The following SLC51B variants were observed in gnomAD, a reference collection of about 807,000 sequenced individuals.
The protein encoded by SLC51B is SLC51 subunit beta.
Under a neutral mutation model 8.0 loss-of-function variants are expected in SLC51B, and 6 were observed. The ratio of observed to expected loss-of-function variants is 0.75; its 90% CI spans 0.41 to 1.48. The LOEUF (loss-of-function observed/expected upper bound fraction) is 1.48, where lower values mean the gene tolerates loss of function less well. Ranked by LOEUF, SLC51B falls within the 40% of genes most tolerant of loss-of-function variation. The pLI, the probability that SLC51B is intolerant of heterozygous loss-of-function variation, is 0.01. For synonymous variants in SLC51B, 61 were observed against 54.8 expected, an observed-to-expected ratio of 1.11 and a Z score of -0.50; for missense variants, 150 against 149.7, an observed-to-expected ratio of 1.00 and a Z score of -0.01.
intron 2 of SLC51B, 111 bp from the exon 3 acceptor site, chr15:65,051,404 C>A: frequency 1.0e-6 from 1 of 1,000,178 alleles, no homozygotes; most frequent in Non-Finnish European, 1.6e-6. Flanking sequence ...GGTCTCCACG[C>A]AAAGGACAGT....
At chr15:65,052,680 AG>A (rs1190233732) in intron 3 of SLC51B, among the ~76,000 whole-genome samples, 1 of 152,120 alleles carries the variant, frequency 6.6e-6, no homozygotes, top group Non-Finnish European at 1.5e-5. Flanking sequence ...TACAGGTGTG[AG>A]CCACTGCACC....
rs563068319 is a variant in SLC51B, at chr15:65,052,579, T to C, written c.189-387T>C. ...ACCCAGCTAATTTTTGTATTTTTAG[T>C]AGAGATGGGGTTTTGCCATGTTGGC... On this transcript the variant is annotated intron_variant, in intron 3 of 3. Transcript: ENST00000334287. Among the ~76,000 whole-genome samples the C allele has an allele frequency of 2.0e-5, 3 of 152,164 alleles. No individual in the cohort carries two copies. In the South Asian group the frequency reaches 6.2e-4, roughly 32 times the overall value.
At position 65,050,050 on chromosome 15, in the gene SLC51B, G is replaced by T. The variant is rs775524383; in HGVS notation, c.46G>T (p.Val16Leu). The T allele has an allele frequency of 6.4e-7, 1 of 1,551,868 alleles. No homozygotes were observed. Among genetic ancestry groups the T allele is most frequent in the African/African-American group, 1.4e-5 (1 of 73,198 alleles). ...TCCCGGAGACCCAGCCGGTACTGTG[G>T]TACCCCAGGAGCTGCTGGAAGAGAT... ...GAPGDPAGTV[V>L]PQELLEEMLW... Residue 16 changes from valine (V) to leucine (L), a missense_variant, in exon 2 of 4, where the codon GTA (valine) becomes TTA (leucine). Coordinates refer to ENST00000334287, the MANE Select transcript of SLC51B (RefSeq NM_178859.4).
rs2086626923 is a variant in SLC51B, at chr15:65,049,933, G to A, written c.-72G>A. On this transcript the variant is annotated 5_prime_UTR_variant, in exon 2 of 4. Transcript: ENST00000334287. ...GCTTCTCTGCCCAGGGGCCAGAACC[G>A]AGGAGGCCAGGAGGGCTGCTGGGGC... 1 of 1,236,084 alleles carries A rather than the reference G, an allele frequency of 8.1e-7. No individual in the cohort carries two copies. The highest frequency in any genetic ancestry group is 1.4e-5 in the South Asian group (1 of 70,494). The allele number at this position is 1,236,084 out of a possible 1,614,324, so 76.6% of individuals were successfully genotyped here. A position where few individuals can be genotyped will look rare whatever the true frequency, so the allele number is the denominator to read the frequency against.
At position 65,053,085 on chromosome 15, in the gene SLC51B, T is replaced by G; in HGVS notation, c.308T>G (p.Leu103Trp). The G allele has an allele frequency of 6.2e-7, 1 of 1,614,086 alleles. No homozygotes were observed. Among genetic ancestry groups the G allele is most frequent in the Non-Finnish European group, 8.5e-7 (1 of 1,180,002 alleles). Residue 103 changes from leucine to tryptophan, a missense_variant, in exon 4 of 4, where the codon TTG becomes TGG. By Grantham distance (61) the Leu-to-Trp change is moderately conservative. Coordinates refer to ENST00000334287, the MANE Select transcript of SLC51B (RefSeq NM_178859.4). Reference protein sequence around the residue: ...RETLLSEKPNLAQVELELKER... With the variant: ...RETLLSEKPNWAQVELELKER... ...ACTTTGCTCTCAGAAAAGCCAAACT[T>G]GGCCCAGGTGGAACTTGAGTTAAAA...
rs1470356539 is a variant in SLC51B, at chr15:65,051,691, T to A, written c.188+86T>A. On this transcript the variant is annotated intron_variant, in intron 3 of 3. Transcript: ENST00000334287. Reference sequence around the variant, plus strand: ...AGAGGGAAATCTAGAGAGGGGTCACTTAGGGGTCATTGCTGTCCACCCTTT... The same window carrying A: ...AGAGGGAAATCTAGAGAGGGGTCACATAGGGGTCATTGCTGTCCACCCTTT... 3.1e-6 allele frequency: 4 copies of A among 1,296,118 alleles called. No homozygotes were observed. In the African/African-American group the frequency reaches 4.4e-5, roughly 14 times the overall value. 80.3% of individuals were successfully genotyped at this position (1,296,118 alleles called of 1,614,324 possible). A position where few individuals can be genotyped will look rare whatever the true frequency, so the allele number is the denominator to read the frequency against.
rs2086566383 is a variant in SLC51B, at chr15:65,045,547, CA to C, written c.-143del. On this transcript the variant is annotated 5_prime_UTR_variant, in exon 1 of 4. Transcript: ENST00000334287. ...CAGAAATCGGTGCTGCTCCCAACAG[CA>C]GATCAAGGCAGTCGTCAGGAACTCA... 1 of 152,280 alleles carries C rather than the reference CA, an allele frequency of 6.6e-6. No homozygotes were observed. The highest frequency in any genetic ancestry group is 2.4e-5 in the African/African-American group (1 of 41,464). The allele number at this position is 152,280 out of a possible 1,614,324, so 9.4% of individuals were successfully genotyped here.
In SLC51B at chr15:65,051,502, T is replaced by C; in HGVS notation, c.98-13T>C. 1 of 1,612,986 alleles carries C rather than the reference T, an allele frequency of 6.2e-7. No individual in the cohort carries two copies. The highest frequency in any genetic ancestry group is 8.5e-7 in the Non-Finnish European group (1 of 1,179,262). ...CCATTCCTCAGGGCTCTGTCCTGTG[T>C]GTCCTTCCCCAGCATCTCCCTGGAA... On this transcript the variant is annotated splice_polypyrimidine_tract_variant and intron_variant, in intron 2 of 3. Transcript: ENST00000334287.
chr15:65,052,951 T>A lies in SLC51B; in HGVS notation c.189-15T>A. ...ACTCAGCCCCCCTCATTAACACTGT[T>A]CCCTGTCCCCCCAGAAAAGAAAAGA... is the stretch of plus-strand genomic sequence containing the variant. On this transcript the variant is annotated splice_polypyrimidine_tract_variant and intron_variant, in intron 3 of 3. Transcript: ENST00000334287. 1 of 1,491,688 alleles carries A rather than the reference T, an allele frequency of 6.7e-7. No individual in the cohort carries two copies. Among genetic ancestry groups the A allele is most frequent in the Non-Finnish European group, 9.1e-7 (1 of 1,101,814 alleles). 92.4% of individuals were successfully genotyped at this position (1,491,688 alleles called of 1,614,324 possible).
chr15:65,047,244 G>A (rs2086587745), intron 1 of SLC51B, among the ~76,000 whole-genome samples: 1 of 151,572 alleles, frequency 6.6e-6, no homozygotes, highest in Non-Finnish European at 1.5e-5. Context: ...GCTGAGGCAA[G>A]AGAATTTCTT....
chr15:65,050,198 C>A, intron 2 of SLC51B, 97 bp downstream of exon 2: 1 of 936,438 alleles, frequency 1.1e-6, no homozygotes, highest in Non-Finnish European at 1.6e-6. Flanking sequence ...CCCTCCAGGT[C>A]AGGCGGTACA....
chr15:65,045,422 T>C lies in SLC51B; in HGVS notation c.-269T>C, dbSNP rs538217417. 2 of 152,250 alleles carry C rather than the reference T, an allele frequency of 1.3e-5. No individual in the cohort carries two copies. Among genetic ancestry groups the C allele is most frequent in the Non-Finnish European group, 2.9e-5 (2 of 68,082 alleles). The allele number at this position is 152,250 out of a possible 1,614,324, so 9.4% of individuals were successfully genotyped here. A position where few individuals can be genotyped will look rare whatever the true frequency, so the allele number is the denominator to read the frequency against. Reference sequence around the variant, plus strand: ...CCAGATGGGTCCAGCTGCCGCAGGCTCTCCAGGCACTGTCCCCTAAGTGAC... The same window carrying C: ...CCAGATGGGTCCAGCTGCCGCAGGCCCTCCAGGCACTGTCCCCTAAGTGAC... On this transcript the variant is annotated 5_prime_UTR_variant, in exon 1 of 4. Transcript: ENST00000334287.
chr15:65,046,995 T>C (rs2086584944), intron 1 of SLC51B, among the ~76,000 whole-genome samples: 1 of 152,196 alleles, frequency 6.6e-6, no homozygotes, highest in African/African-American at 2.4e-5. Context: ...ATTAGTTCCA[T>C]TAATTAAATA....
chr15:65,052,854 C>T (rs1278492600), intron 3 of SLC51B, 112 bp from the exon 4 acceptor site: 5 of 917,840 alleles, frequency 5.4e-6, no homozygotes, highest in African/African-American at 1.7e-5. Context: ...CCTCTAGTAG[C>T]TCCCAAACTG....
At chr15:65,052,016 G>A (rs2086660083) in intron 3 of SLC51B, among the ~76,000 whole-genome samples, 1 of 152,170 alleles carries the variant, frequency 6.6e-6, no homozygotes, top group South Asian at 2.1e-4. Context: ...CCACCGCTGG[G>A]TCCCTCCACT....
intron 3 of SLC51B, 125 bp downstream of exon 3, chr15:65,051,730 T>C: frequency 2.6e-6 from 2 of 783,870 alleles, no homozygotes; most frequent in South Asian, 3.2e-5. Context: ...ACAGCAAAAT[T>C]CAGCCTTCAG....
intron 3 of SLC51B, among the ~76,000 whole-genome samples, chr15:65,052,426 A>G (rs2086665326): frequency 7.9e-6 from 1 of 126,112 alleles, no homozygotes; most frequent in Admixed American, 8.8e-5. Context: ...TTTTTTTGAG[A>G]CAGTCTCTCT....
At chr15:65,046,019 G>C (rs183980149) in intron 1 of SLC51B, among the ~76,000 whole-genome samples, 12 of 152,224 alleles carry the variant, frequency 7.9e-5, no homozygotes, top group Admixed American at 2.0e-4. Flanking sequence ...TACAAAATTG[G>C]CCGGGTGCGG....
chr15:65,052,935 C>T, intron 3 of SLC51B, 31 bp from the exon 4 acceptor site: 1 of 1,459,724 alleles, frequency 6.9e-7, no homozygotes, highest in South Asian at 1.1e-5. Context: ...CACTCAGCCC[C>T]CCTCATTAAC....
Sources: gnomAD v4.1 joint callset for allele counts (sites outside exome capture counted in the v4.1 genomes callset) on GRCh38, gnomAD v4.1.1 for gene constraint, MANE v1.5 for transcripts, NCBI Gene and HGNC (gene_info 2026-07-23, HGNC 2026-07-21) for gene names.